Variants in FAM193A observed in about 807,000 individuals in gnomAD.
The protein encoded by FAM193A is family with sequence similarity 193 member A.
In FAM193A, 22 loss-of-function variants were observed where a neutral mutation model predicts 126.5. The ratio of observed to expected loss-of-function variants is 0.17; its 90% CI spans 0.12 to 0.25. The LOEUF (loss-of-function observed/expected upper bound fraction) is 0.25, where lower values mean the gene tolerates loss of function less well. Among genes scored for constraint, FAM193A ranks in the 10% least tolerant of loss-of-function variants. The pLI is 1.00. For synonymous variants in FAM193A, 761 were observed against 646.8 expected (o/e 1.18, Z -2.68); for missense variants, 1,675 against 1,672.8 (o/e 1.00, Z -0.02).
Position 2,639,762 on chromosome 4 carries a change from G to C in FAM193A, c.1066G>C (p.Val356Leu), listed in dbSNP as rs1744432294. 1 of 1,612,484 alleles carries C rather than the reference G, an allele frequency of 6.2e-7. No homozygotes were observed. Among genetic ancestry groups the C allele is most frequent in the Non-Finnish European group, 8.5e-7 (1 of 1,179,082 alleles). ...LENEHLKKFQ[V>L]TWELHNKHLF... ...AAATGAACACTTGAAAAAGTTCCAA[G>C]TGACGTGGGAACTGCATAATAAACA... is the stretch of plus-strand genomic sequence containing the variant. Residue 356 changes from valine to leucine, a missense_variant, in exon 6 of 21, where the codon GTG becomes CTG. Physicochemically the swap from Val to Leu is conservative, Grantham distance 32 (BLOSUM62 1). Transcript: ENST00000637812.
chr4:2,606,812 T>C (rs1004828655), intron 2 of FAM193A, among the ~76,000 whole-genome samples: 2 of 152,224 alleles, frequency 1.3e-5, no homozygotes, highest in Non-Finnish European at 2.9e-5. Context: ...GTTCTTTAAA[T>C]GTTGAGTTTT....
chr4:2,605,546 C>T (rs1741484458), intron 2 of FAM193A, among the ~76,000 whole-genome samples: 1 of 152,190 alleles, frequency 6.6e-6, no homozygotes. Flanking sequence ...GATTGTGGAG[C>T]ACACATGACA....
At chr4:2,632,399 A>T (rs1001871581) in intron 5 of FAM193A, among the ~76,000 whole-genome samples, 1 of 152,060 alleles carries the variant, frequency 6.6e-6, no homozygotes, top group African/African-American at 2.4e-5. Flanking sequence ...GACCCCACCT[A>T]TACCAAAAAA....
intron 20 of FAM193A, among the ~76,000 whole-genome samples, chr4:2,723,555 C>T (rs1383080726): frequency 6.9e-6 from 1 of 145,012 alleles, no homozygotes; most frequent in Non-Finnish European, 1.5e-5. Context: ...GCCTGGGCAA[C>T]AGAGCAAGAC....
chr4:2,535,560 C>T (rs1323853218), upstream of FAM193A, among the ~76,000 whole-genome samples: 5 of 152,252 alleles, frequency 3.3e-5, no homozygotes, highest in Non-Finnish European at 7.3e-5. Context: ...GGGGCGGAGC[C>T]GCCGGCAGGG....
intron 5 of FAM193A, among the ~76,000 whole-genome samples, chr4:2,632,801 G>A (rs979270185): frequency 1.3e-5 from 2 of 152,278 alleles, no homozygotes. Context: ...TCGCAGCACA[G>A]CCTCCCCGTC....
intron 1 of FAM193A, among the ~76,000 whole-genome samples, chr4:2,565,276 T>TTTTAA (rs71178481): frequency 1.3e-4 from 6 of 47,912 alleles, no homozygotes; most frequent in East Asian, 9.0e-4. Flanking sequence ...TTTTTTTTTT[T>TTTTAA]AAAAGATGCA....
chr4:2,690,976 G>C lies in FAM193A; in HGVS notation c.2803+6G>C, dbSNP rs1716308416. The C allele has an allele frequency of 6.2e-7, 1 of 1,606,176 alleles. No individual in the cohort carries two copies. Among genetic ancestry groups the C allele is most frequent in the East Asian group, 2.2e-5 (1 of 44,718 alleles). The stretch of plus-strand genomic sequence containing the variant: ...CAAGAGACCTCCTTCAGTAGGTAAG[G>C]CTTGAAGGCTCACTGGCCCTCGGGG... On this transcript the variant is annotated splice_donor_region_variant and intron_variant, in intron 15 of 20. Coordinates refer to ENST00000637812, the MANE Select transcript of FAM193A (RefSeq NM_001366318.2).
chr4:2,629,867 C>CA (rs1367833620), intron 4 of FAM193A, among the ~76,000 whole-genome samples: 1 of 152,170 alleles, frequency 6.6e-6, no homozygotes, highest in Non-Finnish European at 1.5e-5. Flanking sequence ...TGCGGTGGCT[C>CA]ACGCCTGTAA....
rs535093438 is a variant in FAM193A at position 2,626,471 on chromosome 4, C to T, written c.697C>T (p.Arg233Cys). 34 of 702,642 alleles carry T rather than the reference C, an allele frequency of 4.8e-5. No individual in the cohort carries two copies. The highest frequency in any genetic ancestry group is 2.2e-4 in the South Asian group (15 of 67,580). The allele number at this position is 702,642 out of a possible 1,614,324, so 43.5% of individuals were successfully genotyped here. ...QQLQNYWSEV[R>C]YTVRCIYRQA... is the part of the protein sequence containing the mutation. ...GCTGCAGAACTACTGGTCAGAAGTG[C>T]GCTACACGGTGCGCTGCATCTACCG... The change falls in exon 4 of 21, where the codon CGC (arginine) becomes TGC (cysteine). Residue 233 changes from arginine (R) to cysteine (C), a missense_variant. Around this residue, in one of 4 missense-constraint regions of FAM193A, gnomAD observed 1,186 missense variants for 1,109.2 expected, o/e 1.07. Transcript: ENST00000637812.
At chr4:2,593,316 C>A (rs564469303) in intron 1 of FAM193A, among the ~76,000 whole-genome samples, 5 of 152,252 alleles carry the variant, frequency 3.3e-5, no homozygotes, top group African/African-American at 1.2e-4. Flanking sequence ...CTCAGAGTCA[C>A]TCCTTGACTT....
intron 19 of FAM193A, among the ~76,000 whole-genome samples, chr4:2,707,891 G>A (rs1380568294): frequency 6.6e-6 from 1 of 151,834 alleles, no homozygotes; most frequent in African/African-American, 2.4e-5. Context: ...TGGAATTACA[G>A]GTGCCGCACC....
intron 19 of FAM193A, among the ~76,000 whole-genome samples, chr4:2,703,372 A>G (rs1429114538): frequency 1.3e-5 from 2 of 152,008 alleles, no homozygotes; most frequent in East Asian, 3.9e-4. Context: ...TCAGCCTCCC[A>G]AGTAGCTGAA....
At chr4:2,715,447 TA>T in intron 19 of FAM193A, 38 of 961,644 alleles carry the variant, frequency 4.0e-5, no homozygotes, top group Non-Finnish European at 4.7e-5. Context: ...AGACTTCATA[TA>T]AAAAAAAGAA....
At chr4:2,650,226 T>C (rs556866979) in intron 7 of FAM193A, among the ~76,000 whole-genome samples, 13 of 152,354 alleles carry the variant, frequency 8.5e-5, no homozygotes, top group African/African-American at 2.9e-4. Flanking sequence ...TTGCCTCACC[T>C]GGTCTGTGGA....
At chr4:2,538,163 A>G (rs917190234) in intron 1 of FAM193A, among the ~76,000 whole-genome samples, 1 of 151,990 alleles carries the variant, frequency 6.6e-6, no homozygotes, top group Non-Finnish European at 1.5e-5. Context: ...AAGCGTTGGG[A>G]GTATTTTTGT....
intron 2 of FAM193A, 86 bp from the exon 3 acceptor site, chr4:2,625,176 A>C: frequency 1.7e-6 from 1 of 599,724 alleles, no homozygotes; most frequent in Non-Finnish European, 3.0e-6. Flanking sequence ...GTTTTTTAAA[A>C]GGCATTTTTC....
intron 18 of FAM193A, 61 bp from the exon 19 acceptor site, chr4:2,699,619 T>C: frequency 3.4e-6 from 5 of 1,492,452 alleles, no homozygotes; most frequent in Non-Finnish European, 4.5e-6. Context: ...TTAGTTTTTC[T>C]GTATGACTTA....
At chr4:2,609,523 A>C (rs1168522847) in intron 2 of FAM193A, among the ~76,000 whole-genome samples, 1 of 152,204 alleles carries the variant, frequency 6.6e-6, no homozygotes, top group Non-Finnish European at 1.5e-5. Context: ...CATATTATTA[A>C]AATGTAAGTT....
Sources: gnomAD v4.1 joint callset for allele counts (sites outside exome capture counted in the v4.1 genomes callset) on GRCh38, gnomAD v4.1.1 for gene constraint, gnomAD v4.1.1 regional missense constraint, MANE v1.5 for transcripts, NCBI Gene and HGNC (gene_info 2026-07-23, HGNC 2026-07-21) for gene names.